The following GRM5 variants were observed in gnomAD, a reference collection of about 807,000 sequenced individuals.
GRM5 encodes the protein glutamate metabotropic receptor 5.
GRM5 carries 19 observed loss-of-function variants against 83.1 expected under a neutral mutation model. The observed-to-expected ratio is 0.23, with a 90% CI of 0.16 to 0.34. The LOEUF (loss-of-function observed/expected upper bound fraction) is 0.34, where lower values mean the gene tolerates loss of function less well. Ranked by LOEUF, GRM5 falls within the 10% of genes least tolerant of loss-of-function variation. GRM5 has a pLI of 1.00. For synonymous variants in GRM5, 675 were observed against 633.6 expected (o/e 1.07, Z -0.98); for missense variants, 1,160 against 1,588.3 (o/e 0.73, Z 4.58).
At chr11:88,622,689 T>A (rs1247542563) in intron 4 of GRM5, among the ~76,000 whole-genome samples, 1 of 152,228 alleles carries the variant, frequency 6.6e-6, no homozygotes, top group Admixed American at 6.5e-5. Context: ...ACAACGAGTA[T>A]GTATTGAGCA....
chr11:88,667,217 A>C (rs1591426222), intron 3 of GRM5, among the ~76,000 whole-genome samples: 1 of 152,304 alleles, frequency 6.6e-6, no homozygotes, highest in Admixed American at 6.5e-5. Context: ...AACATGGAAA[A>C]ACACAATTTT....
chr11:88,689,905 CA>C (rs1283463546), intron 3 of GRM5, among the ~76,000 whole-genome samples: 2 of 150,266 alleles, frequency 1.3e-5, no homozygotes, highest in Admixed American at 6.6e-5. Flanking sequence ...ATTAAAAGAA[CA>C]TTTTTTTTTT....
At chr11:89,049,764 A>C (rs1941718520) in intron 1 of GRM5, among the ~76,000 whole-genome samples, 1 of 152,226 alleles carries the variant, frequency 6.6e-6, no homozygotes, top group African/African-American at 2.4e-5. Flanking sequence ...ATAGAAAAAA[A>C]TAGTTTTGGT....
At chr11:88,780,563 A>C (rs1204402390) in intron 3 of GRM5, among the ~76,000 whole-genome samples, 2 of 152,194 alleles carry the variant, frequency 1.3e-5, no homozygotes, top group Non-Finnish European at 2.9e-5. Flanking sequence ...GATAAAAGTA[A>C]ATCAGGTAAT....
intron 3 of GRM5, among the ~76,000 whole-genome samples, chr11:88,779,061 C>A (rs1346956217): frequency 6.6e-6 from 1 of 152,142 alleles, no homozygotes; most frequent in Non-Finnish European, 1.5e-5. Flanking sequence ...TCACAAAAAT[C>A]TTTTATAGAT....
intron 2 of GRM5, among the ~76,000 whole-genome samples, chr11:88,970,514 C>A (rs1939135365): frequency 6.6e-6 from 1 of 152,162 alleles, no homozygotes; most frequent in African/African-American, 2.4e-5. Flanking sequence ...TGAAATGGAG[C>A]CTTACTCTGT....
chr11:88,769,386 GT>G (rs35780225), intron 3 of GRM5, among the ~76,000 whole-genome samples: 97,241 of 148,752 alleles, frequency 0.65, 31,950 homozygotes, highest in Non-Finnish European at 0.73. Context: ...TTTGCCAACT[GT>G]TAAGTGTCTA....
chr11:88,854,381 T>C (rs1442559773), intron 2 of GRM5, among the ~76,000 whole-genome samples: 1 of 151,640 alleles, frequency 6.6e-6, no homozygotes, highest in African/African-American at 2.4e-5. Context: ...ATGAACAGAG[T>C]TGCACAATAA....
At chr11:88,832,070 C>T (rs1944005239) in intron 3 of GRM5, among the ~76,000 whole-genome samples, 1 of 152,150 alleles carries the variant, frequency 6.6e-6, no homozygotes, top group African/African-American at 2.4e-5. Context: ...GTACCATAAG[C>T]TACTAAGGAA....
At chr11:88,560,673 C>T (rs1309337160) in intron 8 of GRM5, among the ~76,000 whole-genome samples, 4 of 152,148 alleles carry the variant, frequency 2.6e-5, no homozygotes, top group South Asian at 2.1e-4. Flanking sequence ...CCCAACAGAT[C>T]TCTAATCCAC....
chr11:88,937,260 C>T (rs946191592), intron 2 of GRM5, among the ~76,000 whole-genome samples: 12 of 151,584 alleles, frequency 7.9e-5, no homozygotes, highest in Non-Finnish European at 1.5e-5. Context: ...GTTTATGGTA[C>T]TTAAAGTCAA....
rs760914079 is a variant in GRM5, at chr11:88,567,661, A to G, written c.2022T>C (p.Ala674=). Residue 674 remains alanine (A), a synonymous_variant, in exon 8 of 10, where the codon GCT becomes GCC. Transcript: ENST00000305447. The surrounding 1 kb of genome is among the most constrained non-coding windows in gnomAD (Gnocchi z 7.3). The stretch of plus-strand genomic sequence containing the variant: ...TGGTACAGATCTTCTTCTTGCTGCC[A>G]GCCAGGATCCTTGCAATACGGTTGG... ...TKTNRIARIL[A]GSKKKICTKK... is the part of the protein sequence containing the mutation. The G allele has an allele frequency of 3.1e-6, 5 of 1,614,014 alleles. No individual in the cohort carries two copies. In the African/African-American group the frequency reaches 6.7e-5, roughly 22 times the overall value.
chr11:89,063,229 A>G (rs1444251039), intron 1 of GRM5, among the ~76,000 whole-genome samples: 1 of 152,232 alleles, frequency 6.6e-6, no homozygotes, highest in East Asian at 1.9e-4. Context: ...ATGCGAAGGC[A>G]TGCAGAATCT....
chr11:88,782,114 A>T lies in GRM5; in HGVS notation c.911+67792T>A, dbSNP rs550490055. Among the ~76,000 whole-genome samples, 8 of 152,102 alleles carry T rather than the reference A, an allele frequency of 5.3e-5. No individual in the cohort carries two copies. In the South Asian group the frequency reaches 1.5e-3, roughly 28 times the overall value. On this transcript the variant is annotated intron_variant, in intron 3 of 9. Coordinates refer to ENST00000305447, the MANE Select transcript of GRM5 (RefSeq NM_001143831.3). ...ATTAATATGTATATTATTAAATCTA[A>T]TTTTTTTACAAAAGCTTTTAAAACA...
At chr11:88,798,825 A>AAC (rs1555017421) in intron 3 of GRM5, among the ~76,000 whole-genome samples, 115 of 145,290 alleles carry the variant, frequency 7.9e-4, no homozygotes, top group Middle Eastern at 3.4e-3. Context: ...AAAAAAAAAA[A>AAC]AACAACAACA....
At chr11:88,820,515 T>C (rs1164847566) in intron 3 of GRM5, among the ~76,000 whole-genome samples, 1 of 152,196 alleles carries the variant, frequency 6.6e-6, no homozygotes, top group African/African-American at 2.4e-5. Context: ...AAGTATTAGA[T>C]AAAAGCACTT....
intron 4 of GRM5, among the ~76,000 whole-genome samples, chr11:88,629,584 A>G (rs542567361): frequency 2.0e-5 from 3 of 151,898 alleles, no homozygotes; most frequent in East Asian, 1.9e-4. Context: ...CCACTTCCCT[A>G]TTTCCTCAGG....
At chr11:89,018,542 A>T (rs1940911769) in intron 2 of GRM5, among the ~76,000 whole-genome samples, 1 of 152,170 alleles carries the variant, frequency 6.6e-6, no homozygotes, top group Admixed American at 6.6e-5. Flanking sequence ...TATGTCTTGG[A>T]CATTTATCTA....
At chr11:88,600,642 T>C (rs1316673656) in intron 5 of GRM5, among the ~76,000 whole-genome samples, 2 of 152,156 alleles carry the variant, frequency 1.3e-5, no homozygotes, top group Non-Finnish European at 2.9e-5. Flanking sequence ...CAGGTTTCAA[T>C]TGTACAGAAA....
Sources: allele counts gnomAD v4.1 joint callset (sites outside exome capture counted in the v4.1 genomes callset), GRCh38; gene constraint gnomAD v4.1.1; non-coding constraint Gnocchi (gnomAD v3.1); transcripts MANE v1.5; gene names NCBI Gene and HGNC (gene_info 2026-07-23, HGNC 2026-07-21).